TSHR: variants seen among roughly 807,000 people sequenced by gnomAD.
TSHR encodes thyrotropin receptor.
A neutral mutation model predicts 64.1 loss-of-function variants in TSHR; 51 were observed. The ratio of observed to expected loss-of-function variants is 0.80; its 90% CI spans 0.64 to 1.01. The LOEUF is 1.01. Among genes scored for constraint, TSHR ranks in the 50% least tolerant of loss-of-function variants. TSHR has a pLI of 0.00. For missense variants in TSHR, 877 were observed against 942.8 expected (o/e 0.93, Z 0.91); for synonymous variants, 361 against 361.9 (o/e 1.00, Z 0.03).
At chr14:81,056,561 A>G (rs780152392) in intron 1 of TSHR, among the ~76,000 whole-genome samples, 6 of 152,214 alleles carry the variant, frequency 3.9e-5, no homozygotes, top group Admixed American at 6.5e-5. Flanking sequence ...AAATTATGCT[A>G]AATAATGAAA....
chr14:81,038,455 A>G (rs1304219725), intron 1 of TSHR, among the ~76,000 whole-genome samples: 1 of 151,594 alleles, frequency 6.6e-6, no homozygotes, highest in Non-Finnish European at 1.5e-5. Context: ...AGAACAAGCT[A>G]AATTTAAAAT....
intron 5 of TSHR, 134 bp from the exon 6 acceptor site, chr14:81,092,397 G>A: frequency 3.5e-6 from 3 of 851,942 alleles, no homozygotes; most frequent in Non-Finnish European, 3.9e-6. Context: ...GGTTAAGAAG[G>A]GTCAGTGAAA....
rs1028246613 is a variant in TSHR at position 81,143,759 on chromosome 14, T to C, written c.1701T>C (p.Ser567=). 2 of 1,614,184 alleles carry C rather than the reference T, an allele frequency of 1.2e-6. No individual in the cohort carries two copies. The highest frequency in any genetic ancestry group is 1.3e-5 in the African/African-American group (1 of 75,052). Residue 567 remains serine, a synonymous_variant, in exon 10 of 10, where the codon AGT becomes AGC. Transcript: ENST00000298171. ...LVGISSYAKV[S]ICLPMDTETP... ...GAATAAGTAGCTATGCCAAAGTCAG[T>C]ATCTGCCTGCCCATGGACACCGAGA...
intron 8 of TSHR, chr14:81,109,030 C>T (rs1595129838): frequency 5.9e-6 from 7 of 1,187,824 alleles, no homozygotes; most frequent in Non-Finnish European, 6.4e-6. Context: ...TCCCTGAAGC[C>T]TCTGTATCAT....
At chr14:81,044,834 T>G (rs10147243) in intron 1 of TSHR, among the ~76,000 whole-genome samples, 2 of 151,938 alleles carry the variant, frequency 1.3e-5, no homozygotes, top group Non-Finnish European at 2.9e-5. Context: ...TGTGGAAGAC[T>G]GTGTGGTGAT....
At chr14:80,971,615 T>C (rs1228841547) in intron 1 of TSHR, among the ~76,000 whole-genome samples, 2 of 152,202 alleles carry the variant, frequency 1.3e-5, no homozygotes, top group African/African-American at 4.8e-5. Flanking sequence ...GGGGTTTTTG[T>C]TGGTTTTGTT....
chr14:80,981,475 G>A (rs887676518), intron 1 of TSHR, among the ~76,000 whole-genome samples: 1 of 152,138 alleles, frequency 6.6e-6, no homozygotes, highest in Non-Finnish European at 1.5e-5. Context: ...CTGATGACCT[G>A]GGCCCTGGGC....
At chr14:81,067,483 T>TTATATATATA (rs71103896) in intron 2 of TSHR, among the ~76,000 whole-genome samples, 3,563 of 134,834 alleles carry the variant, frequency 0.026, 64 homozygotes, top group African/African-American at 0.042. Flanking sequence ...GTTTATAGTT[T>TTATATATATA]TATATATATA....
rs144929282 is a variant in TSHR at position 80,965,639 on chromosome 14, T to G, written c.170+9789T>G. On this transcript the variant is annotated intron_variant, in intron 1 of 9. Coordinates refer to ENST00000298171, the MANE Select transcript of TSHR (RefSeq NM_000369.5). ...TCATTACATTAATTAAAAAATAGCA[T>G]TTGAAAATTTTAAGAATGAGCAAAA... 8.2e-3 allele frequency among the ~76,000 whole-genome samples: 1,249 copies of G among 152,332 alleles called. 11 individuals carry two copies. Among genetic ancestry groups the G allele is most frequent in the Non-Finnish European group, 0.013 (861 of 68,026 alleles).
At chr14:80,962,811 T>C (rs1237546499) in intron 1 of TSHR, among the ~76,000 whole-genome samples, 1 of 152,190 alleles carries the variant, frequency 6.6e-6, no homozygotes, top group Non-Finnish European at 1.5e-5. Flanking sequence ...TTACAATCCG[T>C]AGACAAAATT....
At chr14:80,978,377 C>T (rs1888000086) in intron 1 of TSHR, among the ~76,000 whole-genome samples, 1 of 152,186 alleles carries the variant, frequency 6.6e-6, no homozygotes. Context: ...CCAACTGTAT[C>T]AGTTCAGTTA....
chr14:81,139,555 T>C, intron 8 of TSHR, 124 bp from the exon 9 acceptor site: 1 of 983,072 alleles, frequency 1.0e-6, no homozygotes, highest in Non-Finnish European at 1.6e-6. Context: ...GCTTATGTAC[T>C]CAGTAGAAGA....
At chr14:81,001,584 G>A in intron 1 of TSHR, 1 of 525,826 alleles carries the variant, frequency 1.9e-6, no homozygotes. Context: ...CCACTGCTTG[G>A]CCTGGGCACT....
intron 1 of TSHR, among the ~76,000 whole-genome samples, chr14:81,023,884 A>G (rs1006024080): frequency 2.6e-5 from 4 of 152,088 alleles, no homozygotes; most frequent in African/African-American, 9.7e-5. Context: ...TTACTAATAA[A>G]TGTCCTTCAT....
intron 1 of TSHR, among the ~76,000 whole-genome samples, chr14:81,056,589 T>A (rs977080497): frequency 2.0e-5 from 3 of 152,172 alleles, no homozygotes; most frequent in Non-Finnish European, 4.4e-5. Context: ...AAATTTAATA[T>A]TTTCAACAAT....
At position 81,146,081 on chromosome 14, in the gene TSHR, C is replaced by T. The variant is rs1041070948; in HGVS notation, c.*1728C>T. The stretch of plus-strand genomic sequence containing the variant: ...GAAAATCATGACTTACCTAGAAGTT[C>T]GCTTGTAACTAATGAAATTAAACAA... On this transcript the variant is annotated 3_prime_UTR_variant, in exon 10 of 10. Transcript: ENST00000298171. 6.5e-5 allele frequency: 15 copies of T among 229,606 alleles called. No homozygotes were observed. Among genetic ancestry groups the T allele is most frequent in the Non-Finnish European group, 2.6e-5 (3 of 115,902 alleles). The allele number at this position is 229,606 out of a possible 1,614,324, so 14.2% of individuals were successfully genotyped here.
At position 81,103,379 on chromosome 14, in the gene TSHR, A is replaced by C; in HGVS notation, c.615-4996A>C. ...TCCAGGTATCATTAGGTTCTCATTT[A>C]AACAATGTGTCATCCAAAAGAGCAA... On this transcript the variant is annotated intron_variant, in intron 7 of 9. Coordinates refer to ENST00000298171, the MANE Select transcript of TSHR (RefSeq NM_000369.5). The surrounding 1 kb of genome is among the most constrained non-coding windows in gnomAD (Gnocchi z 4.1). 1 of 985,458 alleles carries C rather than the reference A, an allele frequency of 1.0e-6. No homozygotes were observed. The highest frequency in any genetic ancestry group is 1.2e-6 in the Non-Finnish European group (1 of 829,936). The allele number at this position is 985,458 out of a possible 1,614,324, so 61.0% of individuals were successfully genotyped here. A position where few individuals can be genotyped will look rare whatever the true frequency, so the allele number is the denominator to read the frequency against.
chr14:81,144,433 C>CATAGCTGCCCT lies in TSHR; in HGVS notation c.*80_*81insATAGCTGCCCT, dbSNP rs1834431524. On this transcript the variant is annotated 3_prime_UTR_variant, in exon 10 of 10. Transcript: ENST00000298171. ...GAATATGCATTCCAATCCCATGACA[C>CATAGCTGCCCT]CCCCAACACATAGCTGCCCTCACTC... 1 of 1,400,054 alleles carries CATAGCTGCCCT rather than the reference C, an allele frequency of 7.1e-7. No homozygotes were observed. Among genetic ancestry groups the CATAGCTGCCCT allele is most frequent in the African/African-American group, 1.4e-5 (1 of 70,102 alleles). 86.7% of individuals were successfully genotyped at this position (1,400,054 alleles called of 1,614,324 possible). A position where few individuals can be genotyped will look rare whatever the true frequency, so the allele number is the denominator to read the frequency against.
intron 1 of TSHR, among the ~76,000 whole-genome samples, chr14:81,031,589 G>C (rs1019818007): frequency 1.3e-5 from 2 of 152,128 alleles, no homozygotes; most frequent in African/African-American, 4.8e-5. Context: ...TTAAAGGTAG[G>C]TATTATCCCT....
Sources: gnomAD v4.1 joint callset for allele counts (sites outside exome capture counted in the v4.1 genomes callset) on GRCh38, gnomAD v4.1.1 for gene constraint, Gnocchi (gnomAD v3.1) non-coding constraint, MANE v1.5 for transcripts, NCBI Gene and HGNC (gene_info 2026-07-23, HGNC 2026-07-21) for gene names.